Variants in LAMC3 observed in about 807,000 individuals in gnomAD.
The protein encoded by LAMC3 is laminin subunit gamma 3, also known as laminin subunit gamma-3.
LAMC3 carries 128 observed loss-of-function variants against 173.8 expected under a neutral mutation model. The observed-to-expected ratio is 0.74, with a 90% CI of 0.64 to 0.85. The LOEUF (loss-of-function observed/expected upper bound fraction) is 0.85, where lower values mean the gene tolerates loss of function less well. Among genes scored for constraint, LAMC3 ranks in the 40% least tolerant of loss-of-function variants. LAMC3 has a pLI of 0.00. For synonymous variants in LAMC3, 897 were observed against 909.1 expected (o/e 0.99, Z 0.24); for missense variants, 2,022 against 2,156.0 (o/e 0.94, Z 1.23).
In LAMC3 at chr9:131,034,173, C is replaced by G. The variant is rs886481174; in HGVS notation, c.810-1993C>G. ...GCTCATGGCAGGGGACAGGTGGCCC[C>G]AACAGCCTGTGTTCACAGTGGAGCC... On this transcript the variant is annotated intron_variant, in intron 3 of 27. Transcript: ENST00000361069. 4.6e-5 allele frequency among the ~76,000 whole-genome samples: 7 copies of G among 152,182 alleles called. No homozygotes were observed. The South Asian group carries it at 6.2e-4, about 13-fold the overall frequency.
At chr9:131,038,096 C>T (rs1833977666) in intron 4 of LAMC3, among the ~76,000 whole-genome samples, 1 of 152,224 alleles carries the variant, frequency 6.6e-6, no homozygotes, top group Non-Finnish European at 1.5e-5. Flanking sequence ...GTCTGCGACG[C>T]CCTTCCCGCC....
chr9:131,049,234 C>G, intron 9 of LAMC3, 104 bp downstream of exon 9: 1 of 757,164 alleles, frequency 1.3e-6, no homozygotes, highest in Non-Finnish European at 2.4e-6. Context: ...AGTTTATTCT[C>G]TTAGAGTTCT....
intron 1 of LAMC3, among the ~76,000 whole-genome samples, chr9:131,014,518 A>T (rs1833484556): frequency 6.6e-6 from 1 of 152,220 alleles, no homozygotes; most frequent in Admixed American, 6.5e-5. Flanking sequence ...AGTCTGGATT[A>T]CACTGCGTGA....
intron 21 of LAMC3, among the ~76,000 whole-genome samples, chr9:131,076,949 G>T (rs2133334994): frequency 6.6e-6 from 1 of 152,388 alleles, no homozygotes; most frequent in Non-Finnish European, 1.5e-5. Flanking sequence ...TCAGCAAAGT[G>T]TGGCTGAGCT....
At chr9:131,078,218 G>T (rs1289046169) in intron 22 of LAMC3, among the ~76,000 whole-genome samples, 2 of 152,116 alleles carry the variant, frequency 1.3e-5, no homozygotes, top group African/African-American at 4.8e-5. Context: ...TTGGCCGGGC[G>T]CGGTGGCTCA....
At position 131,031,913 on chromosome 9, in the gene LAMC3, T is replaced by G. The variant is rs1833831009; in HGVS notation, c.679-132T>G. 19 of 1,491,364 alleles carry G rather than the reference T, an allele frequency of 1.3e-5. No individual in the cohort carries two copies. The South Asian group carries it at 2.2e-4, about 17-fold the overall frequency. 92.4% of individuals were successfully genotyped at this position (1,491,364 alleles called of 1,614,324 possible). A position where few individuals can be genotyped will look rare whatever the true frequency, so the allele number is the denominator to read the frequency against. On this transcript the variant is annotated intron_variant, in intron 2 of 27. Coordinates refer to ENST00000361069, the MANE Select transcript of LAMC3 (RefSeq NM_006059.4). ...CTTATTTCTGCAGTGTTCTCAGAAT[T>G]GGCCTGAGCTCGGCCTGTTCCTGTG...
At chr9:131,015,302 C>G (rs1212790272) in intron 1 of LAMC3, among the ~76,000 whole-genome samples, 1 of 152,110 alleles carries the variant, frequency 6.6e-6, no homozygotes, top group Non-Finnish European at 1.5e-5. Context: ...TACTCCTAAG[C>G]CACGGTGTTC....
rs762345231 is a variant in LAMC3 at position 131,032,056 on chromosome 9, C to G, written c.690C>G (p.Thr230=). 6.8e-6 allele frequency: 11 copies of G among 1,613,944 alleles called. No homozygotes were observed. The Admixed American group carries it at 1.8e-4, about 27-fold the overall frequency. ...EESPGLQEWV[T]STELLISLDR... ...CCCCTCTGCCCCAGGAGTGGGTCAC[C>G]AGCACCGAACTCCTCATCTCTCTAG... The change falls in exon 3 of 28, where the codon ACC becomes ACG. Residue 230 remains threonine (T), a synonymous_variant. Transcript: ENST00000361069.
chr9:131,055,134 G>A (rs1834375984), intron 11 of LAMC3, among the ~76,000 whole-genome samples: 1 of 152,116 alleles, frequency 6.6e-6, no homozygotes, highest in South Asian at 2.1e-4. Flanking sequence ...TATAAGTGTC[G>A]CTTTAGGACA....
At chr9:131,064,844 C>A (rs933852951) in intron 13 of LAMC3, among the ~76,000 whole-genome samples, 2 of 151,778 alleles carry the variant, frequency 1.3e-5, no homozygotes, top group Non-Finnish European at 2.9e-5. Flanking sequence ...AGTTCCAGAC[C>A]AGCATGGCCA....
chr9:131,089,274 T>C (rs577437018), intron 27 of LAMC3, among the ~76,000 whole-genome samples: 146 of 151,670 alleles, frequency 9.6e-4, no homozygotes, highest in Middle Eastern at 3.4e-3. Flanking sequence ...TGTATACATA[T>C]GTAACAAACC....
rs1353052238 is a variant in LAMC3, at chr9:131,045,526, G to A, written c.1385G>A (p.Cys462Tyr). Reference sequence around the variant, plus strand: ...GGCATGTCCTGCCTCCATTTCAGATGTCGCCCGGGGACCTTTAACCTGCAG... The same window carrying A: ...GGCATGTCCTGCCTCCATTTCAGATATCGCCCGGGGACCTTTAACCTGCAG... ...ENVEGNLCDR[C>Y]RPGTFNLQPH... Residue 462 changes from cysteine to tyrosine, a missense_variant and splice_region_variant, in exon 8 of 28, where the codon TGT (cysteine) becomes TAT (tyrosine). Physicochemically the swap from Cys to Tyr is radical, Grantham distance 194. Coordinates refer to ENST00000361069, the MANE Select transcript of LAMC3 (RefSeq NM_006059.4). 1.9e-6 allele frequency: 3 copies of A among 1,613,442 alleles called. No individual in the cohort carries two copies. Among genetic ancestry groups the A allele is most frequent in the Non-Finnish European group, 2.5e-6 (3 of 1,180,050 alleles).
intron 4 of LAMC3, among the ~76,000 whole-genome samples, chr9:131,037,079 G>A (rs1481418680): frequency 2.6e-5 from 4 of 152,180 alleles, no homozygotes; most frequent in South Asian, 2.1e-4. Flanking sequence ...GGGCTGGGCC[G>A]GGGGCGGCTT....
chr9:131,069,208 G>A lies in LAMC3; in HGVS notation c.2890+158G>A, dbSNP rs73554446. On this transcript the variant is annotated intron_variant, in intron 16 of 27. Transcript: ENST00000361069. Reference sequence around the variant, plus strand: ...CGGAAGCATGGAGCGAGTTGCTCCCGTGGCAGTGGCCGGGACAGCAGAGTC... The same window carrying A: ...CGGAAGCATGGAGCGAGTTGCTCCCATGGCAGTGGCCGGGACAGCAGAGTC... 0.067 allele frequency among the ~76,000 whole-genome samples: 10,188 copies of A among 152,258 alleles called. 1,174 individuals carry two copies. Among genetic ancestry groups the A allele is most frequent in the African/African-American group, 0.23 (9,655 of 41,520 alleles).
chr9:131,066,069 C>CATG (rs1168870648), intron 13 of LAMC3, among the ~76,000 whole-genome samples: 5 of 152,164 alleles, frequency 3.3e-5, no homozygotes, highest in African/African-American at 1.2e-4. Flanking sequence ...GTGGCACACA[C>CATG]CTGTAGTCCC....
chr9:131,087,204 G>A (rs1588171672), intron 25 of LAMC3, among the ~76,000 whole-genome samples: 1 of 152,182 alleles, frequency 6.6e-6, no homozygotes, highest in East Asian at 1.9e-4. Flanking sequence ...CATGCCCCTC[G>A]GGCTTTGGCC....
chr9:131,068,309 G>T, intron 15 of LAMC3, 78 bp downstream of exon 15: 1 of 1,483,822 alleles, frequency 6.7e-7, no homozygotes, highest in Non-Finnish European at 9.2e-7. Flanking sequence ...CCAGGGAGGG[G>T]CCTGGTTTGG....
intron 7 of LAMC3, among the ~76,000 whole-genome samples, chr9:131,042,684 G>A (rs1221906210): frequency 1.3e-5 from 2 of 150,720 alleles, no homozygotes; most frequent in African/African-American, 4.9e-5. Flanking sequence ...ATCACTAATG[G>A]TGCCATATCA....
At position 131,071,499 on chromosome 9, in the gene LAMC3, G is replaced by T. The variant is rs766572763; in HGVS notation, c.3085G>T (p.Ala1029Ser). 5 of 1,613,772 alleles carry T rather than the reference G, an allele frequency of 3.1e-6. No individual in the cohort carries two copies. The African/African-American group carries it at 5.3e-5, about 17-fold the overall frequency. ...LVKEEAAKLKARLTLTEGWLQ... is the reference protein window; with the variant it reads ...LVKEEAAKLKSRLTLTEGWLQ... ...TCCTCTCCAGGCAGCCAAGCTGAAG[G>T]CCAGACTGACTTTGACGGAGGGGTG... Residue 1029 changes from alanine to serine, a missense_variant, in exon 18 of 28, where the codon GCC (alanine) becomes TCC (serine). Physicochemically the swap from Ala to Ser is moderately conservative, Grantham distance 99. Coordinates refer to ENST00000361069, the MANE Select transcript of LAMC3 (RefSeq NM_006059.4).
Sources: gnomAD v4.1 joint callset for allele counts (sites outside exome capture counted in the v4.1 genomes callset) on GRCh38, gnomAD v4.1.1 for gene constraint, MANE v1.5 for transcripts, NCBI Gene and HGNC (gene_info 2026-07-23, HGNC 2026-07-21) for gene names.